The following TRIM2 variants were observed in gnomAD, a reference collection of about 807,000 sequenced individuals.
TRIM2 encodes the protein tripartite motif-containing protein 2.
A neutral mutation model predicts 75.2 loss-of-function variants in TRIM2; 20 were observed. That is an observed-to-expected ratio of 0.27 (90% CI 0.19 to 0.39). The LOEUF is 0.39. TRIM2 is among the 10% of genes least tolerant of loss of function. The probability of loss-of-function intolerance (pLI) is 1.00; values close to 1 mark genes in which losing one functional copy is unlikely to be tolerated. For missense variants in TRIM2, 660 were observed against 990.8 expected, an observed-to-expected ratio of 0.67 and a Z score of 4.48; for synonymous variants, 373 against 388.3, an observed-to-expected ratio of 0.96 and a Z score of 0.46.
At chr4:153,165,411 G>A (rs1372608783) in intron 1 of TRIM2, among the ~76,000 whole-genome samples, 5 of 151,928 alleles carry the variant, frequency 3.3e-5, no homozygotes, top group African/African-American at 1.2e-4. Context: ...GCTCACTGCA[G>A]CCTCAACCTC....
chr4:153,323,221 C>T (rs751136991), intron 9 of TRIM2, among the ~76,000 whole-genome samples: 3 of 152,086 alleles, frequency 2.0e-5, no homozygotes, highest in Non-Finnish European at 4.4e-5. Flanking sequence ...TGTAAGAGAA[C>T]AGGAGTCTAG....
At position 153,337,609 on chromosome 4, in the gene TRIM2, G is replaced by T. The variant is rs1441245629; in HGVS notation, c.*2643G>T. The T allele has an allele frequency of 2.0e-6, 2 of 985,580 alleles. No individual in the cohort carries two copies. Among genetic ancestry groups the T allele is most frequent in the Admixed American group, 6.2e-5 (1 of 16,260 alleles). 61.1% of individuals were successfully genotyped at this position (985,580 alleles called of 1,614,324 possible). A position where few individuals can be genotyped will look rare whatever the true frequency, so the allele number is the denominator to read the frequency against. On this transcript the variant is annotated 3_prime_UTR_variant, in exon 12 of 12. Transcript: ENST00000338700. The stretch of plus-strand genomic sequence containing the variant: ...TGTATTTCTTGGTAAGCATATTTTT[G>T]GGGGAAAGTGCTGCTGATATGATAC...
chr4:153,200,905 G>A (rs1043713991), upstream of TRIM2, among the ~76,000 whole-genome samples: 1 of 151,006 alleles, frequency 6.6e-6, no homozygotes, highest in South Asian at 2.1e-4. Flanking sequence ...TCCTGCCTTA[G>A]CCTCCCAAAT....
intron 3 of TRIM2, among the ~76,000 whole-genome samples, chr4:153,287,290 C>T (rs1175405671): frequency 1.3e-5 from 2 of 152,158 alleles, no homozygotes; most frequent in Non-Finnish European, 2.9e-5. Flanking sequence ...CATCCTGTCA[C>T]TTTCAACCTA....
intron 1 of TRIM2, among the ~76,000 whole-genome samples, chr4:153,260,749 C>G (rs543512577): frequency 1.5e-5 from 2 of 132,856 alleles, no homozygotes; most frequent in African/African-American, 2.9e-5. Context: ...TCATCATGAT[C>G]ATCATCATCA....
At chr4:153,233,292 A>G (rs1386045278) in intron 1 of TRIM2, among the ~76,000 whole-genome samples, 1 of 152,194 alleles carries the variant, frequency 6.6e-6, no homozygotes, top group African/African-American at 2.4e-5. Context: ...CATGGGGAAA[A>G]GAAAGTGCCA....
chr4:153,228,688 C>T (rs76741978), intron 1 of TRIM2, among the ~76,000 whole-genome samples: 1,884 of 152,354 alleles, frequency 0.012, 37 homozygotes, highest in East Asian at 0.081. Context: ...GTGGCACACA[C>T]GCTGTACAGC....
chr4:153,244,319 C>CTCTTCTTCTTCTTCTTCTTCT (rs1311888983), intron 1 of TRIM2, among the ~76,000 whole-genome samples: 2 of 21,136 alleles, frequency 9.5e-5, no homozygotes, highest in African/African-American at 2.2e-4. Context: ...CCTCCTCCTC[C>CTCTTCTTCTTCTTCTTCTTCT]TCTTCTTCTT....
At chr4:153,229,509 C>T (rs147673484) in intron 1 of TRIM2, among the ~76,000 whole-genome samples, 339 of 152,302 alleles carry the variant, frequency 2.2e-3, no homozygotes, top group African/African-American at 7.4e-3. Context: ...CCACCTGCCT[C>T]GGCCTCCCAA....
chr4:153,244,439 T>TCTTCTTCTTCTTCTTCTTCTTCTTTC (rs1560876034), intron 1 of TRIM2, among the ~76,000 whole-genome samples: 1 of 104,206 alleles, frequency 9.6e-6, no homozygotes. Flanking sequence ...CTTCTTCTTT[T>TCTTCTTCTTCTTCTTCTTCTTCTTTC]AATTAGAGAG....
chr4:153,162,900 T>C (rs1440149098), intron 1 of TRIM2, among the ~76,000 whole-genome samples: 1 of 152,174 alleles, frequency 6.6e-6, no homozygotes, highest in Non-Finnish European at 1.5e-5. Flanking sequence ...CACTGAATTA[T>C]GTGAATTAAA....
chr4:153,289,676 G>A (rs150064744), intron 3 of TRIM2, among the ~76,000 whole-genome samples: 1 of 152,288 alleles, frequency 6.6e-6, no homozygotes, highest in Admixed American at 6.5e-5. Context: ...ATATGATATA[G>A]TATTTGCAAC....
intron 8 of TRIM2, among the ~76,000 whole-genome samples, chr4:153,319,045 G>A (rs1002695696): frequency 1.3e-5 from 2 of 152,200 alleles, no homozygotes; most frequent in Non-Finnish European, 2.9e-5. Flanking sequence ...ATATCCACAG[G>A]TATAGACAGA....
intron 1 of TRIM2, among the ~76,000 whole-genome samples, chr4:153,218,675 C>T (rs978510912): frequency 6.6e-6 from 1 of 152,190 alleles, no homozygotes; most frequent in Non-Finnish European, 1.5e-5. Context: ...AGGAAGTGCT[C>T]TCTCATTTTT....
Position 153,283,698 on chromosome 4 carries a change from G to A in TRIM2, c.453+7568G>A, listed in dbSNP as rs376143312. 4.0e-5 allele frequency among the ~76,000 whole-genome samples: 6 copies of A among 149,958 alleles called. No individual in the cohort carries two copies. In the East Asian group the frequency reaches 5.9e-4, roughly 15 times the overall value. ...TTTTGCCAGGCTGGAGTGCAGTGGCGGAAACTTGGCTCACTGCAACTTCTG... is the reference window on the plus strand; with the variant it reads ...TTTTGCCAGGCTGGAGTGCAGTGGCAGAAACTTGGCTCACTGCAACTTCTG... On this transcript the variant is annotated intron_variant, in intron 3 of 11. Transcript: ENST00000338700.
chr4:153,266,341 T>G (rs1433191271), intron 1 of TRIM2, among the ~76,000 whole-genome samples: 6 of 122,882 alleles, frequency 4.9e-5, no homozygotes, highest in Admixed American at 1.6e-4. Flanking sequence ...GGCTAATTTT[T>G]GGGTTTTTTT....
At position 153,168,341 on chromosome 4, in the gene TRIM2, C is replaced by T. The variant is rs371788274; in HGVS notation, c.-49+15071C>T. Among the ~76,000 whole-genome samples, 4 of 151,984 alleles carry T rather than the reference C, an allele frequency of 2.6e-5. No individual in the cohort carries two copies. In the East Asian group the frequency reaches 7.7e-4, roughly 29 times the overall value. On this transcript the variant is annotated intron_variant, in intron 1 of 11. Transcript: ENST00000437508. ...ATAAATTGTTTTGTTTTAATAGGCA[C>T]TGTTTTGATAATATGTTTTCCTAGG...
chr4:153,154,052 G>A (rs979655072), intron 1 of TRIM2, among the ~76,000 whole-genome samples: 3 of 152,106 alleles, frequency 2.0e-5, no homozygotes, highest in Non-Finnish European at 4.4e-5. Flanking sequence ...TTCCAGACAA[G>A]GTTTTAATTT....
chr4:153,229,713 A>G (rs1017353179), intron 1 of TRIM2, among the ~76,000 whole-genome samples: 2 of 152,232 alleles, frequency 1.3e-5, no homozygotes, highest in Non-Finnish European at 2.9e-5. Flanking sequence ...TTGCCAGGGT[A>G]TGAAATTCTG....
Sources: allele counts gnomAD v4.1 joint callset (sites outside exome capture counted in the v4.1 genomes callset), GRCh38; gene constraint gnomAD v4.1.1; transcripts MANE v1.5; gene names NCBI Gene and HGNC (gene_info 2026-07-23, HGNC 2026-07-21).